The following COL12A1 variants were observed in gnomAD, a reference collection of about 807,000 sequenced individuals.
COL12A1 encodes the protein collagen type XII alpha 1 chain.
COL12A1 carries 114 observed loss-of-function variants against 349.7 expected under a neutral mutation model. The ratio of observed to expected loss-of-function variants is 0.33; its 90% CI spans 0.28 to 0.38. The LOEUF (loss-of-function observed/expected upper bound fraction) is 0.38. Among genes scored for constraint, COL12A1 ranks in the 10% least tolerant of loss-of-function variants. The pLI is 1.00. For synonymous variants in COL12A1, 1,369 were observed against 1,329.0 expected (o/e 1.03, Z -0.66); for missense variants, 3,284 against 3,756.9 (o/e 0.87, Z 3.29).
chr6:75,109,243 A>AT lies in COL12A1; in HGVS notation c.7951-77dup, dbSNP rs1243135498. 2.4e-5 allele frequency: 26 copies of AT among 1,067,088 alleles called. 1 individual carries two copies. In the South Asian group the frequency reaches 4.0e-4, roughly 16 times the overall value. The allele number at this position is 1,067,088 out of a possible 1,614,324, so 66.1% of individuals were successfully genotyped here. On this transcript the variant is annotated intron_variant, in intron 51 of 65. Transcript: ENST00000322507. ...GCTGACTCTGCATAGTTTAGATCAGATTTTTTTGAAGTTTTTTAAGCTATT... is the reference window on the plus strand; with the variant it reads ...GCTGACTCTGCATAGTTTAGATCAGATTTTTTTTGAAGTTTTTTAAGCTATT...
chr6:75,120,144 C>T (rs555061287), intron 44 of COL12A1, among the ~76,000 whole-genome samples: 68 of 152,022 alleles, frequency 4.5e-4, no homozygotes, highest in African/African-American at 1.5e-3. Context: ...AAAATATGAT[C>T]AGTATTTTTT....
rs58882862 is a variant in COL12A1, at chr6:75,123,121, T to C, written c.6946+209A>G. Among the ~76,000 whole-genome samples the C allele has an allele frequency of 1.1e-4, 17 of 152,274 alleles. No individual in the cohort carries two copies. In the East Asian group the frequency reaches 2.5e-3, roughly 22 times the overall value. On this transcript the variant is annotated intron_variant, in intron 43 of 65. Coordinates refer to ENST00000322507, the MANE Select transcript of COL12A1 (RefSeq NM_004370.6). ...ACTTCCAGCTGAAGATCTGGAATAA[T>C]TTATGACTGATTTTATTCACACCAA...
intron 21 of COL12A1, among the ~76,000 whole-genome samples, chr6:75,148,744 C>A (rs894957363): frequency 2.0e-5 from 3 of 152,118 alleles, no homozygotes; most frequent in African/African-American, 7.2e-5. Flanking sequence ...TCCTTAAAAC[C>A]TGATCCTCCT....
At chr6:75,101,070 T>A (rs1768282697) in intron 58 of COL12A1, among the ~76,000 whole-genome samples, 1 of 152,114 alleles carries the variant, frequency 6.6e-6, no homozygotes, top group African/African-American at 2.4e-5. Context: ...TCATGCTAAG[T>A]CAAGACCAAA....
In COL12A1 at chr6:75,143,274, G is replaced by A. The variant is rs1249355387; in HGVS notation, c.4805C>T (p.Thr1602Ile). The A allele has an allele frequency of 5.6e-6, 9 of 1,613,854 alleles. No individual in the cohort carries two copies. The highest frequency in any genetic ancestry group is 6.8e-6 in the Non-Finnish European group (8 of 1,179,888). Residue 1602 changes from threonine (T) to isoleucine (I), a missense_variant, in exon 26 of 66, where the codon ACA (threonine) becomes ATA (isoleucine). Transcript: ENST00000322507. The stretch of plus-strand genomic sequence containing the variant: ...TACCTCTTTGACATCCTCTTCTGGT[G>A]TTTTGTATCGAACAATATATTTACG... Reference protein sequence around the residue: ...KVRKYIVRYKTPEEDVKEVEV... With the variant: ...KVRKYIVRYKIPEEDVKEVEV...
chr6:75,134,884 C>A, intron 31 of COL12A1, 29 bp from the exon 32 acceptor site: 1 of 1,598,286 alleles, frequency 6.3e-7, no homozygotes, highest in Non-Finnish European at 8.5e-7. Flanking sequence ...TGGTAAGTGT[C>A]AGCCTTGCTC....
Position 75,108,486 on chromosome 6 carries a change from C to T in COL12A1, c.8100+532G>A, listed in dbSNP as rs76490989. 4.1e-3 allele frequency among the ~76,000 whole-genome samples: 623 copies of T among 152,240 alleles called. 1 individual carries two copies. The highest frequency in any genetic ancestry group is 6.9e-3 in the Non-Finnish European group (472 of 68,006). ...TAGCATTGTAAATGGGGTTGGCACGCTCCTGCCTCAAACCTGAGATAGTGA... is the reference window on the plus strand; with the variant it reads ...TAGCATTGTAAATGGGGTTGGCACGTTCCTGCCTCAAACCTGAGATAGTGA... On this transcript the variant is annotated intron_variant, in intron 52 of 65. Transcript: ENST00000322507.
At position 75,175,073 on chromosome 6, in the gene COL12A1, C is replaced by T; in HGVS notation, c.2675G>A (p.Gly892Glu). ...TGTTCCTTCACCAAAGAGGGCGTCT[C>T]CAGCCCCAGACGCATACAAGGCTGT... ...SVTALYASGA[G>E]DALFGEGTTL... Residue 892 changes from glycine (G) to glutamate (E), a missense_variant, in exon 13 of 66, where the codon GGA (glycine) becomes GAA (glutamate). Physicochemically the swap from Gly to Glu is moderately conservative, Grantham distance 98. Transcript: ENST00000322507. The T allele has an allele frequency of 2.5e-6, 4 of 1,614,136 alleles. No individual in the cohort carries two copies. Among genetic ancestry groups the T allele is most frequent in the Non-Finnish European group, 3.4e-6 (4 of 1,179,998 alleles).
chr6:75,170,645 G>GA (rs1202418174), intron 13 of COL12A1, among the ~76,000 whole-genome samples: 2 of 152,162 alleles, frequency 1.3e-5, no homozygotes, highest in African/African-American at 4.8e-5. Context: ...TTAATTCACA[G>GA]AAAAAGGAAA....
At chr6:75,123,744 T>C (rs1347373569) in intron 42 of COL12A1, among the ~76,000 whole-genome samples, 2 of 152,088 alleles carry the variant, frequency 1.3e-5, no homozygotes, top group Non-Finnish European at 2.9e-5. Flanking sequence ...TAGCACCAAC[T>C]CAATAACAGG....
At chr6:75,150,715 C>A (rs1332187744) in intron 21 of COL12A1, among the ~76,000 whole-genome samples, 1 of 152,094 alleles carries the variant, frequency 6.6e-6, no homozygotes, top group Admixed American at 6.6e-5. Context: ...TGCTTTAAGA[C>A]AATAGGTATA....
chr6:75,154,446 C>T lies in COL12A1; in HGVS notation c.3535G>A (p.Asp1179Asn), dbSNP rs370641424. 1.2e-5 allele frequency: 19 copies of T among 1,612,346 alleles called. No individual in the cohort carries two copies. Among genetic ancestry groups the T allele is most frequent in the African/African-American group, 2.7e-5 (2 of 74,924 alleles). ...GATAAAATTGGCATAACAGTTGTGTCGGAAAGGGTTGTCATTTCTTGTCCA... is the reference window on the plus strand; with the variant it reads ...GATAAAATTGGCATAACAGTTGTGTTGGAAAGGGTTGTCATTTCTTGTCCA... ...LVGQEMTTLS[D>N]TTVMPILSSG... Residue 1179 changes from aspartate to asparagine, a missense_variant, in exon 17 of 66, where the codon GAC (aspartate) becomes AAC (asparagine). Asp to Asn is a conservative substitution (Grantham distance 23). Transcript: ENST00000322507.
At chr6:75,178,828 T>G (rs928255300) in intron 11 of COL12A1, among the ~76,000 whole-genome samples, 3 of 152,054 alleles carry the variant, frequency 2.0e-5, no homozygotes, top group Admixed American at 6.6e-5. Context: ...AGGAAGGAAG[T>G]ATATCTCTCT....
chr6:75,148,509 A>G lies in COL12A1; in HGVS notation c.4148-12T>C, dbSNP rs749134618. ...TGCTTCCAAATCACCTACACATGGAAATAAAGGGTATACACTTTTCTCATT... is the reference window on the plus strand; with the variant it reads ...TGCTTCCAAATCACCTACACATGGAGATAAAGGGTATACACTTTTCTCATT... On this transcript the variant is annotated splice_polypyrimidine_tract_variant and intron_variant, in intron 21 of 65. Coordinates refer to ENST00000322507, the MANE Select transcript of COL12A1 (RefSeq NM_004370.6). The G allele has an allele frequency of 1.7e-5, 28 of 1,609,234 alleles. No homozygotes were observed. The highest frequency in any genetic ancestry group is 2.4e-5 in the Non-Finnish European group (28 of 1,176,886).
At chr6:75,126,223 TG>T (rs1400179218) in intron 39 of COL12A1, 127 bp downstream of exon 39, 2 of 1,052,610 alleles carry the variant, frequency 1.9e-6, no homozygotes, top group African/African-American at 3.2e-5. Context: ...ACATTGCCTT[TG>T]GTTACAGGAA....
intron 23 of COL12A1, 51 bp downstream of exon 23, chr6:75,147,624 C>G (rs751915143): frequency 6.5e-7 from 1 of 1,528,726 alleles, no homozygotes. Flanking sequence ...GGCCATCATG[C>G]TTTATCTTGG....
chr6:75,152,275 T>G (rs200064783), intron 18 of COL12A1, 25 bp from the exon 19 acceptor site: 14 of 1,613,684 alleles, frequency 8.7e-6, no homozygotes, highest in Non-Finnish European at 1.2e-5. Context: ...CTGGCATTAG[T>G]GCATGTGAAA....
chr6:75,148,301 T>C, intron 22 of COL12A1, 57 bp downstream of exon 22: 1 of 1,555,692 alleles, frequency 6.4e-7, no homozygotes. Flanking sequence ...AGAGTCCTAA[T>C]GAGGAGGACC....
chr6:75,143,921 A>G (rs1767045256), intron 25 of COL12A1, among the ~76,000 whole-genome samples: 1 of 152,222 alleles, frequency 6.6e-6, no homozygotes, highest in Non-Finnish European at 1.5e-5. Context: ...TACCAAATCT[A>G]ACATAACTTT....
Sources: gnomAD v4.1 joint callset for allele counts (sites outside exome capture counted in the v4.1 genomes callset) on GRCh38, gnomAD v4.1.1 for gene constraint, MANE v1.5 for transcripts, NCBI Gene and HGNC (gene_info 2026-07-23, HGNC 2026-07-21) for gene names.